Variants in DLG2 observed in about 807,000 individuals in gnomAD.
The protein encoded by DLG2 is disks large homolog 2.
In DLG2, 45 loss-of-function variants were observed where a neutral mutation model predicts 132.5. The ratio of observed to expected loss-of-function variants is 0.34; its 90% CI spans 0.27 to 0.44. DLG2 has a LOEUF of 0.44. Among genes scored for constraint, DLG2 ranks in the 20% least tolerant of loss-of-function variants. DLG2 has a pLI of 1.00. For missense variants in DLG2, 1,045 were observed against 1,196.9 expected, an observed-to-expected ratio of 0.87 and a Z score of 1.87; for synonymous variants, 424 against 419.6, an observed-to-expected ratio of 1.01 and a Z score of -0.13.
At chr11:84,413,913 C>T (rs1048905808) in intron 7 of DLG2, among the ~76,000 whole-genome samples, 8 of 152,124 alleles carry the variant, frequency 5.3e-5, no homozygotes, top group African/African-American at 1.9e-4. Context: ...TGGGAACCTT[C>T]AATTTCATTC....
intron 22 of DLG2, chr11:83,483,241 C>T (rs368062105): frequency 1.2e-6 from 2 of 1,611,436 alleles, no homozygotes; most frequent in African/African-American, 2.7e-5. Context: ...GTGACCATTC[C>T]TGGAAACTTA....
chr11:84,939,722 G>A (rs1344308207), intron 6 of DLG2, among the ~76,000 whole-genome samples: 1 of 152,090 alleles, frequency 6.6e-6, no homozygotes, highest in Non-Finnish European at 1.5e-5. Context: ...ATGTTCTCCA[G>A]TTCTATCCAT....
chr11:84,614,059 G>T (rs889827237), intron 6 of DLG2, among the ~76,000 whole-genome samples: 2 of 152,194 alleles, frequency 1.3e-5, no homozygotes, highest in Admixed American at 6.5e-5. Context: ...AACAGTTTCA[G>T]TGAAGTAAGA....
chr11:84,809,078 T>C (rs1388489038), intron 6 of DLG2, among the ~76,000 whole-genome samples: 1 of 151,852 alleles, frequency 6.6e-6, no homozygotes, highest in African/African-American at 2.4e-5. Context: ...ATATATAAAA[T>C]AGTGGATACC....
chr11:83,811,422 G>T (rs2047236725), intron 17 of DLG2, among the ~76,000 whole-genome samples: 1 of 151,868 alleles, frequency 6.6e-6, no homozygotes, highest in South Asian at 2.1e-4. Flanking sequence ...TACAGAAATG[G>T]CAACTTCATA....
intron 3 of DLG2, among the ~76,000 whole-genome samples, chr11:85,525,531 A>G (rs2074676946): frequency 6.6e-6 from 1 of 152,238 alleles, no homozygotes; most frequent in African/African-American, 2.4e-5. Context: ...TTTCTTCCAA[A>G]TATGTACAGA....
intron 7 of DLG2, among the ~76,000 whole-genome samples, chr11:84,467,458 C>T (rs1432952565): frequency 6.6e-6 from 1 of 151,138 alleles, no homozygotes; most frequent in Non-Finnish European, 1.5e-5. Flanking sequence ...CGTGGCAAAA[C>T]GCTAATAATT....
chr11:83,972,951 C>G (rs777277002), intron 12 of DLG2, among the ~76,000 whole-genome samples: 3 of 152,038 alleles, frequency 2.0e-5, no homozygotes, highest in Non-Finnish European at 2.9e-5. Context: ...TAATTCATTT[C>G]TTAACCTTTT....
At chr11:85,613,687 G>T (rs535182884) in intron 2 of DLG2, among the ~76,000 whole-genome samples, 9 of 152,180 alleles carry the variant, frequency 5.9e-5, no homozygotes, top group Admixed American at 5.9e-4. Flanking sequence ...AACAAGCAGC[G>T]CTCTGTAAAA....
chr11:85,369,345 G>A (rs1311962246), intron 3 of DLG2, among the ~76,000 whole-genome samples: 2 of 152,074 alleles, frequency 1.3e-5, no homozygotes, highest in Non-Finnish European at 1.5e-5. Context: ...TTTTCTGACA[G>A]TAATTAAGCT....
At chr11:84,536,557 CACTTTTGATCAGTT>C (rs1357873675) in intron 6 of DLG2, among the ~76,000 whole-genome samples, 1 of 152,180 alleles carries the variant, frequency 6.6e-6, no homozygotes, top group Non-Finnish European at 1.5e-5. Context: ...ATTTAACATT[CACTTTTGATCAGTT>C]ACGCCCATTA....
intron 6 of DLG2, among the ~76,000 whole-genome samples, chr11:85,108,344 T>C (rs554016025): frequency 1.2e-3 from 180 of 152,212 alleles, no homozygotes; most frequent in Middle Eastern, 6.8e-3. Flanking sequence ...TATCAATTTA[T>C]TAGGCCTGTA....
chr11:83,974,917 C>T (rs971154986), intron 12 of DLG2, among the ~76,000 whole-genome samples: 2 of 152,038 alleles, frequency 1.3e-5, no homozygotes, highest in Non-Finnish European at 2.9e-5. Flanking sequence ...AACACAAGAA[C>T]TAATTCTCTG....
intron 14 of DLG2, among the ~76,000 whole-genome samples, chr11:83,950,031 T>A (rs548600044): frequency 5.5e-4 from 84 of 152,306 alleles, no homozygotes; most frequent in Admixed American, 2.0e-3. Flanking sequence ...TATAATGTTT[T>A]ATCGCTTGTA....
At chr11:84,708,810 TTTTA>T (rs2060058134) in intron 6 of DLG2, among the ~76,000 whole-genome samples, 2 of 151,900 alleles carry the variant, frequency 1.3e-5, no homozygotes. Context: ...AAATGTCTCA[TTTTA>T]CAAAATTCAA....
At chr11:83,623,573 G>A (rs1459932657) in intron 19 of DLG2, among the ~76,000 whole-genome samples, 1 of 152,224 alleles carries the variant, frequency 6.6e-6, no homozygotes. Context: ...GAGCTGTTCT[G>A]TGTGTGGTCC....
intron 3 of DLG2, among the ~76,000 whole-genome samples, chr11:85,527,275 C>T (rs746469214): frequency 6.6e-6 from 1 of 151,604 alleles, no homozygotes; most frequent in African/African-American, 2.4e-5. Context: ...GTTTGCTGCA[C>T]CTATCGACCC....
intron 3 of DLG2, among the ~76,000 whole-genome samples, chr11:85,296,914 G>T (rs2079262691): frequency 6.7e-6 from 1 of 149,396 alleles, no homozygotes; most frequent in South Asian, 2.1e-4. Flanking sequence ...TGTACAAAAT[G>T]ATACAATCAT....
intron 8 of DLG2, chr11:84,166,956 C>T (rs767903197): frequency 1.9e-6 from 1 of 532,954 alleles, no homozygotes; most frequent in Admixed American, 1.9e-5. Context: ...ATTTAAGTAC[C>T]TTGGTCATAT....
Sources: allele counts gnomAD v4.1 joint callset (sites outside exome capture counted in the v4.1 genomes callset), GRCh38; gene constraint gnomAD v4.1.1; transcripts MANE v1.5; gene names NCBI Gene and HGNC (gene_info 2026-07-23, HGNC 2026-07-21).